Variants in ABCC1 observed in about 807,000 individuals in gnomAD.
The protein encoded by ABCC1 is multidrug resistance-associated protein 1.
A neutral mutation model predicts 172.9 loss-of-function variants in ABCC1; 83 were observed. The ratio of observed to expected loss-of-function variants is 0.48; its 90% CI spans 0.40 to 0.58. The LOEUF (loss-of-function observed/expected upper bound fraction) is 0.58, where lower values mean the gene tolerates loss of function less well. Ranked by LOEUF, ABCC1 falls within the 20% of genes least tolerant of loss-of-function variation. ABCC1 has a pLI of 0.00. For synonymous variants in ABCC1, 937 were observed against 825.2 expected, an observed-to-expected ratio of 1.14 and a Z score of -2.32; for missense variants, 1,817 against 2,002.7, an observed-to-expected ratio of 0.91 and a Z score of 1.77.
intron 28 of ABCC1, among the ~76,000 whole-genome samples, chr16:16,134,918 A>G (rs978108395): frequency 2.6e-5 from 4 of 152,194 alleles, no homozygotes. Context: ...CTGGGATTAC[A>G]GGCATGAGGC....
At chr16:16,136,868 C>T (rs1273009095) in intron 29 of ABCC1, among the ~76,000 whole-genome samples, 1 of 152,112 alleles carries the variant, frequency 6.6e-6, no homozygotes, top group Non-Finnish European at 1.5e-5. Context: ...AGTACATTTC[C>T]TTTTATACAC....
intron 29 of ABCC1, among the ~76,000 whole-genome samples, chr16:16,137,871 TA>T (rs1354022290): frequency 1.4e-5 from 2 of 145,530 alleles, no homozygotes; most frequent in Non-Finnish European, 3.1e-5. Flanking sequence ...TTTTTTATTT[TA>T]TTTTTTTTAA....
intron 24 of ABCC1, among the ~76,000 whole-genome samples, chr16:16,124,462 A>G (rs185920976): frequency 5.4e-4 from 80 of 147,416 alleles, no homozygotes; most frequent in African/African-American, 1.8e-3. Context: ...GCCTATGTGT[A>G]TGTATTTTAA....
chr16:15,998,187 C>T (rs537154948), intron 1 of ABCC1, among the ~76,000 whole-genome samples: 198 of 150,372 alleles, frequency 1.3e-3, no homozygotes, highest in African/African-American at 4.3e-3. Flanking sequence ...CTGGGTGGGA[C>T]GATCAAAGCT....
At chr16:15,999,609 C>A (rs1334296807) in intron 1 of ABCC1, among the ~76,000 whole-genome samples, 1 of 149,546 alleles carries the variant, frequency 6.7e-6, no homozygotes, top group Non-Finnish European at 1.5e-5. Flanking sequence ...GAGTGAAACT[C>A]CGTCTCAAAA....
At chr16:16,037,859 G>A (rs752579259) in intron 7 of ABCC1, among the ~76,000 whole-genome samples, 1 of 152,182 alleles carries the variant, frequency 6.6e-6, no homozygotes, top group Non-Finnish European at 1.5e-5. Flanking sequence ...CGTGACTCCG[G>A]TCGGAGGCTG....
At chr16:16,136,957 G>C (rs950511304) in intron 29 of ABCC1, among the ~76,000 whole-genome samples, 5 of 152,156 alleles carry the variant, frequency 3.3e-5, no homozygotes, top group African/African-American at 4.8e-5. Context: ...CACTAGCACT[G>C]CTCTGAGCCC....
intron 12 of ABCC1, chr16:16,056,647 C>T (rs955573383): frequency 5.2e-5 from 15 of 290,686 alleles, no homozygotes; most frequent in Admixed American, 1.4e-4. Flanking sequence ...CCAGCCTGGG[C>T]GACAGAGCAA....
At chr16:16,100,355 G>T (rs2051673617) in intron 19 of ABCC1, among the ~76,000 whole-genome samples, 1 of 9,058 alleles carries the variant, frequency 1.1e-4, no homozygotes, top group Non-Finnish European at 4.4e-4. Context: ...GAGGCTGCTG[G>T]TAGGAGAGCG....
At chr16:16,096,189 A>G (rs1221331074) in intron 19 of ABCC1, among the ~76,000 whole-genome samples, 1 of 151,934 alleles carries the variant, frequency 6.6e-6, no homozygotes, top group African/African-American at 2.4e-5. Flanking sequence ...AGATTGTGCC[A>G]CTGCACTCTA....
At chr16:16,009,448 G>A (rs1454295766) in intron 2 of ABCC1, among the ~76,000 whole-genome samples, 5 of 151,928 alleles carry the variant, frequency 3.3e-5, no homozygotes, top group Non-Finnish European at 7.4e-5. Flanking sequence ...TTCTTGTGCA[G>A]TGCGCCGGAG....
At chr16:16,079,235 CT>C in intron 15 of ABCC1, 116 bp from the exon 16 acceptor site, 1 of 1,471,368 alleles carries the variant, frequency 6.8e-7, no homozygotes, top group Non-Finnish European at 9.3e-7. Context: ...TTAGTACAGT[CT>C]TGCCTTCTGT....
At chr16:15,980,362 A>G (rs1342747296) in intron 1 of ABCC1, among the ~76,000 whole-genome samples, 11 of 152,146 alleles carry the variant, frequency 7.2e-5, no homozygotes, top group Admixed American at 5.9e-4. Context: ...TCACGCTGCT[A>G]TAAAGAACTG....
At chr16:16,119,853 G>GTCTC (rs2045073874) in intron 23 of ABCC1, among the ~76,000 whole-genome samples, 4 of 152,302 alleles carry the variant, frequency 2.6e-5, no homozygotes, top group Admixed American at 2.6e-4. Context: ...AAGAGAGGAA[G>GTCTC]GAGATGTGGT....
At chr16:16,127,904 G>GT (rs1476734563) in intron 26 of ABCC1, among the ~76,000 whole-genome samples, 3 of 149,606 alleles carry the variant, frequency 2.0e-5, no homozygotes, top group African/African-American at 7.4e-5. Context: ...CACTTACAAG[G>GT]TATTTCATTA....
intron 27 of ABCC1, among the ~76,000 whole-genome samples, chr16:16,132,374 A>G (rs144952654): frequency 1.3e-5 from 2 of 150,518 alleles, no homozygotes; most frequent in Non-Finnish European, 3.0e-5. Flanking sequence ...GGGTCCTACT[A>G]TGTTGTCCAG....
At chr16:16,073,243 TG>T (rs2050423503) in intron 14 of ABCC1, among the ~76,000 whole-genome samples, 1 of 152,078 alleles carries the variant, frequency 6.6e-6, no homozygotes. Context: ...GAAACTTGCC[TG>T]AGATTGCACA....
In ABCC1 at chr16:16,071,725, A is replaced by T; in HGVS notation, c.1908A>T (p.Lys636Asn). The change falls in exon 14 of 31, where the codon AAA becomes AAT. Residue 636 changes from lysine to asparagine, a missense_variant. Around this residue, in one of 3 missense-constraint regions of ABCC1, gnomAD observed 1,412 missense variants for 1,600.3 expected, o/e 0.88. Coordinates refer to ENST00000399410, the MANE Select transcript of ABCC1 (RefSeq NM_004996.4). ...EPDSIERRPV[K>N]DGGGTNSITV... ...ACAGCATCGAGCGACGGCCTGTCAA[A>T]GACGGTGTGTGTGTGTTCAGTCCTG... 6.2e-7 allele frequency: 1 copy of T among 1,613,260 alleles called. No homozygotes were observed. Among genetic ancestry groups the T allele is most frequent in the African/African-American group, 1.3e-5 (1 of 75,042 alleles).
At chr16:16,141,111 C>A in intron 30 of ABCC1, 62 bp from the exon 31 acceptor site, 1 of 1,484,020 alleles carries the variant, frequency 6.7e-7, no homozygotes, top group Non-Finnish European at 9.4e-7. Context: ...GGTCAGTTGT[C>A]CCAGGGGCAC....
Sources: gnomAD v4.1 joint callset for allele counts (sites outside exome capture counted in the v4.1 genomes callset) on GRCh38, gnomAD v4.1.1 for gene constraint, gnomAD v4.1.1 regional missense constraint, MANE v1.5 for transcripts, NCBI Gene and HGNC (gene_info 2026-07-23, HGNC 2026-07-21) for gene names.